PCDHA12: variants seen among roughly 807,000 people sequenced by gnomAD.
PCDHA12 encodes protocadherin alpha 12.
A neutral mutation model predicts 60.0 loss-of-function variants in PCDHA12; 44 were observed. The ratio of observed to expected loss-of-function variants is 0.73; its 90% CI spans 0.58 to 0.94. The LOEUF is 0.94. Ranked by LOEUF, PCDHA12 falls within the 40% of genes least tolerant of loss-of-function variation. PCDHA12 has a pLI of 0.00. For missense variants in PCDHA12, 1,276 were observed against 1,239.7 expected (o/e 1.03, Z -0.44); for synonymous variants, 569 against 553.0 (o/e 1.03, Z -0.40).
At chr5:140,923,045 T>C (rs1554201134) in intron 1 of PCDHA12, among the ~76,000 whole-genome samples, 1 of 152,226 alleles carries the variant, frequency 6.6e-6, no homozygotes, top group Non-Finnish European at 1.5e-5. Context: ...ATGTATAGTA[T>C]TTAGAATAAA....
intron 1 of PCDHA12, among the ~76,000 whole-genome samples, chr5:140,933,379 G>A (rs1403607512): frequency 6.6e-6 from 1 of 151,928 alleles, no homozygotes; most frequent in East Asian, 1.9e-4. Flanking sequence ...TTCCTTGGCT[G>A]TTCCTAGAGC....
Position 140,875,377 on chromosome 5 carries a change from A to G in PCDHA12, c.-96A>G. 6.9e-7 allele frequency: 1 copy of G among 1,457,802 alleles called. No individual in the cohort carries two copies. Among genetic ancestry groups the G allele is most frequent in the Non-Finnish European group, 9.0e-7 (1 of 1,105,472 alleles). The allele number at this position is 1,457,802 out of a possible 1,614,324, so 90.3% of individuals were successfully genotyped here. A position where few individuals can be genotyped will look rare whatever the true frequency, so the allele number is the denominator to read the frequency against. On this transcript the variant is annotated 5_prime_UTR_variant, in exon 1 of 4. In the 5' UTR this introduces an upstream ATG that the reference lacks. Transcript: ENST00000398631. ...TGATGCTGGAAAAAATTTACTAAAT[A>G]TGTACTTACAGAAAAGGGTGACTGC...
At position 140,877,700 on chromosome 5, in the gene PCDHA12, G is replaced by A; in HGVS notation, c.2228G>A (p.Ser743Asn). 6.2e-7 allele frequency: 1 copy of A among 1,613,996 alleles called. No homozygotes were observed. The highest frequency in any genetic ancestry group is 8.5e-7 in the Non-Finnish European group (1 of 1,179,984). Residue 743 changes from serine to asparagine, a missense_variant, in exon 1 of 4, where the codon AGC (serine) becomes AAC (asparagine). Transcript: ENST00000398631. Reference sequence around the variant, plus strand: ...GGCAAGCCCACGCTGGTGTGCTCCAGCGCCGTGGGGAGTTGGTCTTACTCG... The same window carrying A: ...GGCAAGCCCACGCTGGTGTGCTCCAACGCCGTGGGGAGTTGGTCTTACTCG... The part of the protein sequence containing the change: ...APGKPTLVCS[S>N]AVGSWSYSQQ...
At chr5:140,973,921 C>T (rs1407436010) in intron 1 of PCDHA12, among the ~76,000 whole-genome samples, 1 of 152,210 alleles carries the variant, frequency 6.6e-6, no homozygotes, top group Non-Finnish European at 1.5e-5. Context: ...TGTCACCAAA[C>T]CCAGAGGTTT....
At chr5:140,917,137 C>A (rs868951388) in intron 1 of PCDHA12, among the ~76,000 whole-genome samples, 4 of 152,208 alleles carry the variant, frequency 2.6e-5, no homozygotes, top group African/African-American at 4.8e-5. Context: ...CCACGTTGCT[C>A]AGCTGCTGCT....
At chr5:140,929,390 T>C in intron 1 of PCDHA12, 1 of 1,511,570 alleles carries the variant, frequency 6.6e-7, no homozygotes, top group Non-Finnish European at 8.8e-7. Flanking sequence ...TGTTTTGAAA[T>C]ATTTCTTAGA....
rs782166832 is a variant in PCDHA12, at chr5:140,882,300, C to G, written c.2367+4461C>G. 1.4e-5 allele frequency: 22 copies of G among 1,613,604 alleles called. No individual in the cohort carries two copies. The East Asian group carries it at 4.5e-4, about 33-fold the overall frequency. The stretch of plus-strand genomic sequence containing the variant: ...TCTTCCTGGCAAGGAGGCCCAAGAC[C>G]GCGGCAACTACTGCTCTGGCTTCTG... On this transcript the variant is annotated intron_variant, in intron 1 of 3. Coordinates refer to ENST00000398631, the MANE Select transcript of PCDHA12 (RefSeq NM_018903.4).
intron 1 of PCDHA12, chr5:140,968,160 A>G: frequency 7.4e-6 from 12 of 1,614,104 alleles, no homozygotes; most frequent in Non-Finnish European, 1.0e-5. Context: ...ATCAATGACA[A>G]TCCACCAAGC....
At chr5:140,935,894 CTTT>C (rs55841305) in intron 1 of PCDHA12, among the ~76,000 whole-genome samples, 2 of 136,728 alleles carry the variant, frequency 1.5e-5, no homozygotes, top group African/African-American at 2.7e-5. Context: ...TCAATATTAT[CTTT>C]TTTTTTTTTT....
chr5:140,949,260 T>C (rs1292112980), intron 1 of PCDHA12, among the ~76,000 whole-genome samples: 1 of 151,804 alleles, frequency 6.6e-6, no homozygotes, highest in Non-Finnish European at 1.5e-5. Flanking sequence ...GATGAACATA[T>C]CACGTGCACT....
intron 1 of PCDHA12, chr5:140,928,032 T>C (rs369075554): frequency 6.2e-7 from 1 of 1,614,216 alleles, no homozygotes; most frequent in African/African-American, 1.3e-5. Flanking sequence ...GTGGCATGTC[T>C]AGTGCAGGCC....
chr5:140,980,545 G>A lies in PCDHA12; in HGVS notation c.2426+1538G>A, dbSNP rs190037193. ...CTAGGGAGGCTGAGGCAGGAGAATC[G>A]CTTGAACCCGGGAGGCGGAAGTTGC... On this transcript the variant is annotated intron_variant, in intron 2 of 3. Transcript: ENST00000398631. 4.1e-3 allele frequency among the ~76,000 whole-genome samples: 627 copies of A among 152,232 alleles called. 4 individuals are homozygous for A. Among genetic ancestry groups the A allele is most frequent in the Non-Finnish European group, 6.8e-3 (460 of 67,996 alleles).
Position 141,010,550 on chromosome 5 carries a change from ACC to A in PCDHA12, c.*617_*618del. 3.2e-6 allele frequency: 1 copy of A among 316,712 alleles called. No individual in the cohort carries two copies. The highest frequency in any genetic ancestry group is 5.8e-6 in the Non-Finnish European group (1 of 172,196). The allele number at this position is 316,712 out of a possible 1,614,324, so 19.6% of individuals were successfully genotyped here. ...CAGCCACCCTCTAGGAGACAAAACT[ACC>A]CCCACTGACAAGGCTTTAGGAGACC... On this transcript the variant is annotated 3_prime_UTR_variant, in exon 4 of 4. Transcript: ENST00000398631.
At chr5:140,947,767 C>A (rs1585277827) in intron 1 of PCDHA12, among the ~76,000 whole-genome samples, 1 of 151,486 alleles carries the variant, frequency 6.6e-6, no homozygotes, top group East Asian at 1.9e-4. Context: ...TTAAAAAATT[C>A]TATTGTAAAT....
chr5:140,882,814 A>AGT, intron 1 of PCDHA12: 3 of 1,614,248 alleles, frequency 1.9e-6, no homozygotes, highest in Non-Finnish European at 2.5e-6. Context: ...CTTTGGACGC[A>AGT]CAAAACAGTC....
chr5:140,926,921 G>A (rs1554203799), intron 1 of PCDHA12: 3 of 1,571,110 alleles, frequency 1.9e-6, no homozygotes, highest in African/African-American at 2.7e-5. Flanking sequence ...GCAGTTTTAT[G>A]TTTGTGGGTT....
chr5:140,914,944 C>CT (rs35695909), intron 1 of PCDHA12, among the ~76,000 whole-genome samples: 3,966 of 128,238 alleles, frequency 0.031, 97 homozygotes, highest in Middle Eastern at 0.041. Context: ...GAAAAGTTGT[C>CT]TTTTTTTTTT....
At chr5:140,887,348 G>C (rs997332881) in intron 1 of PCDHA12, among the ~76,000 whole-genome samples, 1 of 151,978 alleles carries the variant, frequency 6.6e-6, no homozygotes, top group Non-Finnish European at 1.5e-5. Flanking sequence ...CACCTGGCTC[G>C]GCCTCCCAAA....
chr5:140,921,706 T>C (rs2080341352), intron 1 of PCDHA12, among the ~76,000 whole-genome samples: 1 of 152,148 alleles, frequency 6.6e-6, no homozygotes, highest in Non-Finnish European at 1.5e-5. Flanking sequence ...TTTTAAACAG[T>C]AAACACACGA....
Sources: gnomAD v4.1 joint callset for allele counts (sites outside exome capture counted in the v4.1 genomes callset) on GRCh38, gnomAD v4.1.1 for gene constraint, MANE v1.5 for transcripts, NCBI Gene and HGNC (gene_info 2026-07-23, HGNC 2026-07-21) for gene names.